PCDHA1: variants seen among roughly 807,000 people sequenced by gnomAD.
PCDHA1 encodes the protein protocadherin alpha 1.
In PCDHA1, 42 loss-of-function variants were observed where a neutral mutation model predicts 61.3. The ratio of observed to expected loss-of-function variants is 0.69; its 90% CI spans 0.54 to 0.89. The LOEUF is 0.89. PCDHA1 is among the 40% of genes least tolerant of loss of function. The probability of loss-of-function intolerance (pLI) is 0.00; values close to 1 mark genes in which losing one functional copy is unlikely to be tolerated. For synonymous variants in PCDHA1, 610 were observed against 553.8 expected (o/e 1.10, Z -1.43); for missense variants, 1,256 against 1,235.3 (o/e 1.02, Z -0.25).
Position 140,786,967 on chromosome 5 carries a change from T to C in PCDHA1, c.677T>C (p.Val226Ala). 1 of 1,614,202 alleles carries C rather than the reference T, an allele frequency of 6.2e-7. No individual in the cohort carries two copies. The highest frequency in any genetic ancestry group is 8.5e-7 in the Non-Finnish European group (1 of 1,180,024). Residue 226 changes from valine (V) to alanine (A), a missense_variant, in exon 1 of 4, where the codon GTT becomes GCT. Val to Ala is a moderately conservative substitution (Grantham distance 64, BLOSUM62 0). Coordinates refer to ENST00000504120, the MANE Select transcript of PCDHA1 (RefSeq NM_018900.4). The stretch of plus-strand genomic sequence containing the variant: ...GGCAAACCGGAGCTGCAAGGTACAG[T>C]TGAGCTGCTGATCACCGTCCTCGAC... The part of the protein sequence containing the change: ...DGGKPELQGT[V>A]ELLITVLDVN...
intron 1 of PCDHA1, among the ~76,000 whole-genome samples, chr5:140,913,589 T>G (rs1342360734): frequency 6.6e-6 from 1 of 152,168 alleles, no homozygotes; most frequent in Non-Finnish European, 1.5e-5. Context: ...TATTTCTGCT[T>G]TGATCTTTAT....
At chr5:140,882,482 G>C (rs200256955) in intron 1 of PCDHA1, 38 of 1,613,930 alleles carry the variant, frequency 2.4e-5, no homozygotes, top group Admixed American at 8.3e-5. Flanking sequence ...CAAAAGACAC[G>C]GGGACCTTCT....
rs1475704020 is a variant in PCDHA1 at position 140,802,588 on chromosome 5, T to C, written c.2394+13904T>C. The C allele has an allele frequency of 4.3e-6, 7 of 1,612,752 alleles. No homozygotes were observed. The African/African-American group carries it at 9.4e-5, about 22-fold the overall frequency. ...TCGCAGTCCGAGTACACGGTGTTCGTGAAGGAGAACAACCCGCCGGGCTGC... is the reference window on the plus strand; with the variant it reads ...TCGCAGTCCGAGTACACGGTGTTCGCGAAGGAGAACAACCCGCCGGGCTGC... On this transcript the variant is annotated intron_variant, in intron 1 of 3. Coordinates refer to ENST00000504120, the MANE Select transcript of PCDHA1 (RefSeq NM_018900.4).
chr5:140,828,176 G>T (rs782133322), intron 1 of PCDHA1: 2 of 1,614,128 alleles, frequency 1.2e-6, no homozygotes, highest in Non-Finnish European at 1.7e-6. Flanking sequence ...GGTGGGGAGC[G>T]GCCAGCTCCA....
chr5:140,839,273 ACCTT>A (rs1255974388), intron 1 of PCDHA1, among the ~76,000 whole-genome samples: 6 of 152,020 alleles, frequency 3.9e-5, no homozygotes, highest in Admixed American at 3.3e-4. Flanking sequence ...TATATTTAAA[ACCTT>A]CCTAGCATAT....
chr5:140,863,242 G>A (rs2047891518), intron 1 of PCDHA1: 3 of 1,345,158 alleles, frequency 2.2e-6, no homozygotes, highest in African/African-American at 2.9e-5. Context: ...GCGGGCTTTG[G>A]CGGGCGTCGA....
intron 3 of PCDHA1, among the ~76,000 whole-genome samples, chr5:140,992,437 T>G (rs1554252912): frequency 6.6e-6 from 1 of 151,938 alleles, no homozygotes; most frequent in African/African-American, 2.4e-5. Context: ...GTTCCAAGAG[T>G]TGGGAGCAGG....
At chr5:140,985,531 C>T (rs542453995) in intron 3 of PCDHA1, among the ~76,000 whole-genome samples, 102 of 152,254 alleles carry the variant, frequency 6.7e-4, no homozygotes, top group African/African-American at 1.9e-3. Context: ...TAAAGCTTCA[C>T]GGTGAAGATG....
At chr5:140,927,183 C>T (rs1554204140) in intron 1 of PCDHA1, 12 of 1,614,160 alleles carry the variant, frequency 7.4e-6, no homozygotes, top group Non-Finnish European at 1.0e-5. Context: ...TCTTGACCTA[C>T]GACCTGGTGC....
Position 140,801,673 on chromosome 5 carries a change from A to G in PCDHA1, c.2394+12989A>G, listed in dbSNP as rs557240435. The G allele has an allele frequency of 6.2e-7, 1 of 1,614,244 alleles. No homozygotes were observed. Among genetic ancestry groups the G allele is most frequent in the Admixed American group, 1.7e-5 (1 of 60,032 alleles). Reference sequence around the variant, plus strand: ...CGGTTTTCGCTAGAGGGCGCATCAGATGCAGATATCGGAACAAATTCGTTG... The same window carrying G: ...CGGTTTTCGCTAGAGGGCGCATCAGGTGCAGATATCGGAACAAATTCGTTG... On this transcript the variant is annotated intron_variant, in intron 1 of 3. Coordinates refer to ENST00000504120, the MANE Select transcript of PCDHA1 (RefSeq NM_018900.4).
chr5:140,906,665 AC>A (rs558667206), intron 1 of PCDHA1, among the ~76,000 whole-genome samples: 132 of 152,200 alleles, frequency 8.7e-4, no homozygotes, highest in African/African-American at 3.2e-3. Context: ...TGGTGTAGTG[AC>A]CCAAACCTTC....
At chr5:140,795,771 A>C (rs1761993315) in intron 1 of PCDHA1, 1 of 1,613,918 alleles carries the variant, frequency 6.2e-7, no homozygotes, top group Non-Finnish European at 8.5e-7. Flanking sequence ...CTTCTGATGC[A>C]GATGAAGGAC....
intron 1 of PCDHA1, among the ~76,000 whole-genome samples, chr5:140,902,712 C>T (rs1207971068): frequency 6.6e-6 from 1 of 152,008 alleles, no homozygotes; most frequent in African/African-American, 2.4e-5. Flanking sequence ...CTTTCACTCC[C>T]CTCCCACCCT....
In PCDHA1 at chr5:140,967,952, C is replaced by T. The variant is rs562783714; in HGVS notation, c.2395-10997C>T. ...CAGTGTCAATGACCAAGACTCAGGC[C>T]CCAACCGGAAAGTGAGCCTGGGTCT... is the stretch of plus-strand genomic sequence containing the variant. On this transcript the variant is annotated intron_variant, in intron 1 of 3. Coordinates refer to ENST00000504120, the MANE Select transcript of PCDHA1 (RefSeq NM_018900.4). The T allele has an allele frequency of 3.1e-6, 5 of 1,614,176 alleles. No individual in the cohort carries two copies. In the African/African-American group the frequency reaches 6.7e-5, roughly 22 times the overall value.
intron 1 of PCDHA1, among the ~76,000 whole-genome samples, chr5:140,846,420 G>A (rs1780468336): frequency 7.9e-6 from 1 of 125,998 alleles, no homozygotes; most frequent in African/African-American, 3.0e-5. Context: ...TATCTCCCAG[G>A]CTGGAATGCA....
rs199814121 is a variant in PCDHA1, at chr5:140,884,467, G to T, written c.2395-94482G>T. 3.9e-5 allele frequency: 63 copies of T among 1,613,778 alleles called. No individual in the cohort carries two copies. In the East Asian group the frequency reaches 1.3e-3, roughly 33 times the overall value. The stretch of plus-strand genomic sequence containing the variant: ...CACCGCCCACCGAGGGCGCGTGCGC[G>T]CCGGGCAAGCCCACTCTAGTGTGCT... On this transcript the variant is annotated intron_variant, in intron 1 of 3. Transcript: ENST00000504120.
Position 140,832,155 on chromosome 5 carries a change from G to A in PCDHA1, c.2394+43471G>A, listed in dbSNP as rs139131870. Reference sequence around the variant, plus strand: ...AAGTTGAAAATTGAATTAAGACTTGGACAGTGGAAAAGTTTTATGAATTCA... The same window carrying A: ...AAGTTGAAAATTGAATTAAGACTTGAACAGTGGAAAAGTTTTATGAATTCA... On this transcript the variant is annotated intron_variant, in intron 1 of 3. Transcript: ENST00000504120. Among the ~76,000 whole-genome samples the A allele has an allele frequency of 1.4e-3, 211 of 152,314 alleles. 2 individuals are homozygous for A. The highest frequency in any genetic ancestry group is 4.6e-3 in the African/African-American group (192 of 41,574).
intron 1 of PCDHA1, among the ~76,000 whole-genome samples, chr5:140,964,512 T>C (rs2095837085): frequency 6.6e-6 from 1 of 152,128 alleles, no homozygotes; most frequent in African/African-American, 2.4e-5. Context: ...CAATACCCAG[T>C]GGCCAGGTCT....
chr5:140,875,749 G>A (rs782793601), intron 1 of PCDHA1: 3 of 1,614,264 alleles, frequency 1.9e-6, no homozygotes, highest in African/African-American at 1.3e-5. Flanking sequence ...GATCGACCGC[G>A]AGAAGCTGTG....
Sources: gnomAD v4.1 joint callset for allele counts (sites outside exome capture counted in the v4.1 genomes callset) on GRCh38, gnomAD v4.1.1 for gene constraint, MANE v1.5 for transcripts, NCBI Gene and HGNC (gene_info 2026-07-23, HGNC 2026-07-21) for gene names.